Variants in NT5C2 observed in about 807,000 individuals in gnomAD.
NT5C2 encodes the protein cytosolic purine 5'-nucleotidase.
Under a neutral mutation model 76.1 loss-of-function variants are expected in NT5C2, and 58 were observed. That is an observed-to-expected ratio of 0.76 (90% CI 0.62 to 0.95). The LOEUF is 0.95. Among genes scored for constraint, NT5C2 ranks in the 40% least tolerant of loss-of-function variants. NT5C2 has a pLI of 0.00. For synonymous variants in NT5C2, 229 were observed against 237.4 expected (o/e 0.96, Z 0.32); for missense variants, 478 against 690.3 (o/e 0.69, Z 3.45).
intron 1 of NT5C2, among the ~76,000 whole-genome samples, chr10:103,188,051 G>C (rs1441670256): frequency 6.6e-6 from 1 of 152,090 alleles, no homozygotes; most frequent in Non-Finnish European, 1.5e-5. Flanking sequence ...ACAAATACTA[G>C]CTGATCATAT....
chr10:103,104,697 T>A (rs1564977213), intron 6 of NT5C2, among the ~76,000 whole-genome samples: 1 of 152,196 alleles, frequency 6.6e-6, no homozygotes, highest in Non-Finnish European at 1.5e-5. Context: ...TAATGCCAAC[T>A]AAAGAGTCTT....
At chr10:103,139,842 ATC>A (rs1380462077) in intron 3 of NT5C2, among the ~76,000 whole-genome samples, 1 of 152,164 alleles carries the variant, frequency 6.6e-6, no homozygotes, top group Non-Finnish European at 1.5e-5. Flanking sequence ...TATACATTAG[ATC>A]TCTTAGACTT....
At position 103,090,716 on chromosome 10, in the gene NT5C2, G is replaced by A. The variant is rs777665615; in HGVS notation, c.1344C>T (p.Thr448=). The A allele has an allele frequency of 6.2e-6, 10 of 1,614,062 alleles. No homozygotes were observed. The highest frequency in any genetic ancestry group is 6.8e-6 in the Non-Finnish European group (8 of 1,180,022). The change falls in exon 18 of 19, where the codon ACC becomes ACT. Residue 448 remains threonine (T), a synonymous_variant. Transcript: ENST00000404739. ...AACGCATCACTTGACTGGCAAAAAG[G>A]GTCTGCCGGGAGCCACTGCGAAACA... ...GSLFRSGSRQ[T]LFASQVMRYA... is the part of the protein sequence containing the mutation.
intron 1 of NT5C2, among the ~76,000 whole-genome samples, chr10:103,183,268 T>C (rs1394851178): frequency 1.7e-5 from 2 of 115,830 alleles, no homozygotes; most frequent in Admixed American, 2.2e-4. Context: ...GTGTGATATA[T>C]ATATATATAT....
At chr10:103,185,960 GTACT>G (rs767738411) in intron 1 of NT5C2, among the ~76,000 whole-genome samples, 11 of 152,202 alleles carry the variant, frequency 7.2e-5, no homozygotes, top group African/African-American at 1.2e-4. Context: ...CATTTATTGA[GTACT>G]TACTATTTTT....
intron 4 of NT5C2, among the ~76,000 whole-genome samples, chr10:103,138,447 C>G (rs1224212111): frequency 6.6e-6 from 1 of 152,146 alleles, no homozygotes; most frequent in Non-Finnish European, 1.5e-5. Flanking sequence ...CACCCCCCGA[C>G]AAGCCTCAGT....
intron 5 of NT5C2, 64 bp from the exon 6 acceptor site, chr10:103,105,865 G>C (rs2071116106): frequency 8.8e-7 from 1 of 1,139,582 alleles, no homozygotes; most frequent in East Asian, 2.4e-5. Flanking sequence ...TTATGTAGTA[G>C]TATTTAATCA....
intron 1 of NT5C2, among the ~76,000 whole-genome samples, chr10:103,182,271 T>A (rs187959333): frequency 7.2e-5 from 11 of 152,280 alleles, no homozygotes; most frequent in Admixed American, 3.3e-4. Context: ...AATAAGTATG[T>A]CAACATAGAT....
At chr10:103,170,787 A>G (rs1238074093) in intron 3 of NT5C2, among the ~76,000 whole-genome samples, 2 of 151,888 alleles carry the variant, frequency 1.3e-5, no homozygotes, top group Non-Finnish European at 2.9e-5. Context: ...TCGGCCTCCC[A>G]AAGTGTGTGG....
chr10:103,141,915 A>T (rs2080492948), intron 3 of NT5C2, among the ~76,000 whole-genome samples: 2 of 152,216 alleles, frequency 1.3e-5, no homozygotes, highest in Non-Finnish European at 2.9e-5. Flanking sequence ...ATAAAATAAC[A>T]TGGAGGAGAG....
intron 1 of NT5C2, among the ~76,000 whole-genome samples, chr10:103,191,397 AAG>A (rs202139040): frequency 2.2e-5 from 3 of 138,712 alleles, no homozygotes; most frequent in Non-Finnish European, 3.1e-5. Context: ...AAAAAAAAAA[AAG>A]AGAGAGAGAG....
At chr10:103,158,954 G>T (rs1324965984) in intron 3 of NT5C2, among the ~76,000 whole-genome samples, 2 of 151,788 alleles carry the variant, frequency 1.3e-5, no homozygotes, top group African/African-American at 4.8e-5. Flanking sequence ...AGTAGTACAA[G>T]ACTTGTACAC....
At chr10:103,114,062 C>G (rs2073731735) in intron 4 of NT5C2, among the ~76,000 whole-genome samples, 2 of 152,184 alleles carry the variant, frequency 1.3e-5, no homozygotes, top group South Asian at 4.1e-4. Context: ...GCCAAATGTT[C>G]CCAATTGCGT....
At chr10:103,162,054 T>C (rs756147320) in intron 3 of NT5C2, among the ~76,000 whole-genome samples, 3 of 152,188 alleles carry the variant, frequency 2.0e-5, no homozygotes, top group South Asian at 2.1e-4. Context: ...TCTCGCTCTG[T>C]TGCCAGGCTG....
intron 1 of NT5C2, among the ~76,000 whole-genome samples, chr10:103,183,291 A>ATATATATTATATATATATATC (rs1554841794): frequency 8.6e-5 from 11 of 128,132 alleles, no homozygotes; most frequent in African/African-American, 3.2e-4. Flanking sequence ...ATATATATAT[A>ATATATATTATATATATATATC]TATCACACAC....
At chr10:103,137,933 G>T (rs181107776) in intron 4 of NT5C2, among the ~76,000 whole-genome samples, 1 of 152,066 alleles carries the variant, frequency 6.6e-6, no homozygotes, top group South Asian at 2.1e-4. Flanking sequence ...TTTTTGTTTG[G>T]TTGGTTGGTT....
At chr10:103,132,695 G>C (rs11191571) in intron 4 of NT5C2, among the ~76,000 whole-genome samples, 2 of 151,842 alleles carry the variant, frequency 1.3e-5, no homozygotes, top group Non-Finnish European at 2.9e-5. Context: ...CGGTACAGGC[G>C]CCCGCCACCA....
At chr10:103,183,508 CTTTTTTTTT>C in intron 1 of NT5C2, among the ~76,000 whole-genome samples, 2 of 118,090 alleles carry the variant, frequency 1.7e-5, no homozygotes, top group Middle Eastern at 9.1e-3. Context: ...TAAACAAATG[CTTTTTTTTT>C]TTTTTTTTTT....
At chr10:103,179,782 T>C (rs1309175652) in intron 2 of NT5C2, among the ~76,000 whole-genome samples, 1 of 152,214 alleles carries the variant, frequency 6.6e-6, no homozygotes, top group African/African-American at 2.4e-5. Flanking sequence ...TTTTGCATAT[T>C]ATGGTTTATA....
Sources: gnomAD v4.1 joint callset for allele counts (sites outside exome capture counted in the v4.1 genomes callset) on GRCh38, gnomAD v4.1.1 for gene constraint, MANE v1.5 for transcripts, NCBI Gene and HGNC (gene_info 2026-07-23, HGNC 2026-07-21) for gene names.